The following WDPCP variants were observed in gnomAD, a reference collection of about 807,000 sequenced individuals.
WDPCP encodes WD repeat-containing and planar cell polarity effector protein fritz homolog.
Under a neutral mutation model 93.1 loss-of-function variants are expected in WDPCP, and 71 were observed. The observed-to-expected ratio is 0.76, with a 90% CI of 0.63 to 0.93. The LOEUF is 0.93. Ranked by LOEUF, WDPCP falls within the 40% of genes least tolerant of loss-of-function variation. WDPCP has a pLI of 0.00. For missense variants in WDPCP, 844 were observed against 887.4 expected (o/e 0.95, Z 0.62); for synonymous variants, 315 against 315.0 (o/e 1.00, Z 0.00).
Position 63,230,715 on chromosome 2 carries a change from G to T in WDPCP, c.1915+28592C>A, listed in dbSNP as rs185524667. Among the ~76,000 whole-genome samples the T allele has an allele frequency of 5.1e-3, 781 of 152,126 alleles. 1 individual carries two copies. Among genetic ancestry groups the T allele is most frequent in the Admixed American group, 7.9e-3 (121 of 15,242 alleles). On this transcript the variant is annotated intron_variant, in intron 14 of 17. Coordinates refer to ENST00000272321, the MANE Select transcript of WDPCP (RefSeq NM_015910.7). ...ATGATGAGCATTTTTTCATGTGTCT[G>T]CTGGCTGCATAAATGTCTTCTTTTG...
chr2:63,808,990 T>C (rs953452649), intron 2 of WDPCP, among the ~76,000 whole-genome samples: 3 of 150,526 alleles, frequency 2.0e-5, no homozygotes, highest in South Asian at 2.1e-4. Flanking sequence ...GCCTCTGCCC[T>C]GCCGCCCCGT....
chr2:63,291,959 C>G (rs558182678), intron 13 of WDPCP, among the ~76,000 whole-genome samples: 17 of 151,206 alleles, frequency 1.1e-4, no homozygotes, highest in African/African-American at 2.2e-4. Flanking sequence ...CGTTGAAACC[C>G]CGTCTGTACT....
intron 12 of WDPCP, among the ~76,000 whole-genome samples, chr2:63,328,663 A>T (rs1687751865): frequency 6.6e-6 from 1 of 152,196 alleles, no homozygotes; most frequent in South Asian, 2.1e-4. Flanking sequence ...AATTCCAGAC[A>T]CATTACCACA....
chr2:63,289,119 A>G (rs1684224409), intron 13 of WDPCP, among the ~76,000 whole-genome samples: 1 of 152,126 alleles, frequency 6.6e-6, no homozygotes, highest in Admixed American at 6.5e-5. Flanking sequence ...CCCTTTGTAA[A>G]TCATAGATAT....
chr2:63,426,858 G>A (rs1008050258), intron 9 of WDPCP, among the ~76,000 whole-genome samples: 8 of 152,022 alleles, frequency 5.3e-5, no homozygotes, highest in African/African-American at 9.7e-5. Flanking sequence ...AAATTAAGGA[G>A]AAAGATCTAT....
chr2:63,783,902 AC>A (rs1268373997), intron 2 of WDPCP, among the ~76,000 whole-genome samples: 3 of 152,132 alleles, frequency 2.0e-5, no homozygotes, highest in African/African-American at 7.2e-5. Context: ...TTGCACTTGT[AC>A]CCCTTAAATT....
intron 1 of WDPCP, among the ~76,000 whole-genome samples, chr2:63,513,754 CT>C (rs1702386456): frequency 6.6e-6 from 1 of 152,172 alleles, no homozygotes; most frequent in Non-Finnish European, 1.5e-5. Context: ...TGGGTTTCCC[CT>C]CTCAGTCTAT....
intron 9 of WDPCP, among the ~76,000 whole-genome samples, chr2:63,413,220 T>A (rs1695149727): frequency 6.6e-6 from 1 of 151,982 alleles, no homozygotes; most frequent in Admixed American, 6.6e-5. Flanking sequence ...TAAACCCAAA[T>A]ACTTACAGCC....
At position 63,382,019 on chromosome 2, in the gene WDPCP, G is replaced by A. The variant is rs1462636982; in HGVS notation, c.1511C>T (p.Ala504Val). Residue 504 changes from alanine to valine, a missense_variant, in exon 11 of 18, where the codon GCA becomes GTA. Transcript: ENST00000272321. Reference protein sequence around the residue: ...QYIHCDEIYEAINILSSMNWD... With the variant: ...QYIHCDEIYEVINILSSMNWD... ...GTTCATGCTGCTCAGGATGTTTATT[G>A]CCTCATAGATCTCATCACAGTGAAT... is the stretch of plus-strand genomic sequence containing the variant. 1.2e-6 allele frequency: 2 copies of A among 1,613,312 alleles called. No individual in the cohort carries two copies. Among genetic ancestry groups the A allele is most frequent in the Non-Finnish European group, 1.7e-6 (2 of 1,179,734 alleles).
At chr2:63,603,060 A>G (rs554637399) in intron 3 of WDPCP, among the ~76,000 whole-genome samples, 101 of 146,322 alleles carry the variant, frequency 6.9e-4, no homozygotes, top group Non-Finnish European at 1.3e-3. Context: ...CCCAGGTTCA[A>G]GAGATTCTCC....
At chr2:63,736,357 T>G (rs1419430389) in intron 2 of WDPCP, among the ~76,000 whole-genome samples, 1 of 152,234 alleles carries the variant, frequency 6.6e-6, no homozygotes, top group Non-Finnish European at 1.5e-5. Context: ...GAAATACTGA[T>G]GTACCACATG....
chr2:63,723,666 C>A (rs1470520065), intron 2 of WDPCP, among the ~76,000 whole-genome samples: 1 of 145,966 alleles, frequency 6.9e-6, no homozygotes, highest in East Asian at 1.9e-4. Flanking sequence ...CTCCCAACAA[C>A]TTAAACTGCT....
intron 1 of WDPCP, among the ~76,000 whole-genome samples, chr2:63,541,122 T>C (rs1320406853): frequency 6.6e-6 from 1 of 152,106 alleles, no homozygotes; most frequent in South Asian, 2.1e-4. Flanking sequence ...TACAGGCATG[T>C]GTCATCACAT....
chr2:63,744,860 T>A (rs1669772016), intron 2 of WDPCP, among the ~76,000 whole-genome samples: 1 of 152,112 alleles, frequency 6.6e-6, no homozygotes, highest in Non-Finnish European at 1.5e-5. Flanking sequence ...CATCTGTCTA[T>A]AACACTGCCT....
upstream of WDPCP, chr2:63,588,968 A>T (rs990800785): frequency 3.1e-6 from 5 of 1,605,962 alleles, no homozygotes; most frequent in Admixed American, 8.3e-5. Flanking sequence ...TCTCCGAGTC[A>T]GTTCCGCGGT....
At position 63,487,446 on chromosome 2, in the gene WDPCP, C is replaced by T. The variant is rs187135801; in HGVS notation, c.208+1G>A. ...TTAATTGCACAGAATAGGTACTTTA[C>T]CTGGTGGATCTTTCTTGTCATAATA... On this transcript the variant is annotated splice_donor_variant, in intron 3 of 17. Transcript: ENST00000272321. LOFTEE classifies it high-confidence loss of function. The T allele has an allele frequency of 1.0e-4, 159 of 1,587,224 alleles. 1 individual carries two copies. In the Admixed American group the frequency reaches 1.6e-3, roughly 16 times the overall value.
chr2:63,700,403 A>G (rs993491071), intron 2 of WDPCP, among the ~76,000 whole-genome samples: 10 of 152,056 alleles, frequency 6.6e-5, no homozygotes, highest in Admixed American at 6.6e-4. Context: ...AAGGTCAGAT[A>G]CAAGACTTTT....
At chr2:63,426,576 TA>T (rs2105398570) in intron 9 of WDPCP, among the ~76,000 whole-genome samples, 1 of 152,144 alleles carries the variant, frequency 6.6e-6, no homozygotes, top group African/African-American at 2.4e-5. Flanking sequence ...AAAAGAACAA[TA>T]CCTGCTACCA....
intron 2 of WDPCP, among the ~76,000 whole-genome samples, chr2:63,663,307 AAG>A (rs1710248423): frequency 6.6e-6 from 1 of 152,222 alleles, no homozygotes; most frequent in African/African-American, 2.4e-5. Flanking sequence ...CTGGAGAACA[AAG>A]AGGCCAACTT....
Sources: allele counts gnomAD v4.1 joint callset (sites outside exome capture counted in the v4.1 genomes callset), GRCh38; gene constraint gnomAD v4.1.1; transcripts MANE v1.5; gene names NCBI Gene and HGNC (gene_info 2026-07-23, HGNC 2026-07-21).